RELN: variants seen among roughly 807,000 people sequenced by gnomAD.
The protein encoded by RELN is reelin.
RELN carries 108 observed loss-of-function variants against 427.6 expected under a neutral mutation model. The ratio of observed to expected loss-of-function variants is 0.25; its 90% CI spans 0.22 to 0.30. The LOEUF is 0.30. Ranked by LOEUF, RELN falls within the 10% of genes least tolerant of loss-of-function variation. RELN has a pLI of 1.00. For missense variants in RELN, 3,715 were observed against 4,302.8 expected, an observed-to-expected ratio of 0.86 and a Z score of 3.82; for synonymous variants, 1,524 against 1,513.4, an observed-to-expected ratio of 1.01 and a Z score of -0.16.
intron 20 of RELN, among the ~76,000 whole-genome samples, chr7:103,612,869 A>G (rs1019045197): frequency 6.6e-6 from 1 of 152,202 alleles, no homozygotes; most frequent in African/African-American, 2.4e-5. Context: ...TTTATCATAG[A>G]AGATTAAAAT....
chr7:103,514,532 G>A (rs574838454), intron 50 of RELN, among the ~76,000 whole-genome samples: 1 of 152,246 alleles, frequency 6.6e-6, no homozygotes, highest in Non-Finnish European at 1.5e-5. Context: ...GGTGTCACAT[G>A]CTTGTAATCC....
chr7:103,527,544 T>A (rs767614508), intron 46 of RELN, among the ~76,000 whole-genome samples: 52 of 152,240 alleles, frequency 3.4e-4, no homozygotes, highest in Non-Finnish European at 1.0e-4. Flanking sequence ...GAACAGTTGT[T>A]AAGCTATGGG....
chr7:103,983,745 C>G (rs2116847918), intron 1 of RELN, among the ~76,000 whole-genome samples: 1 of 152,308 alleles, frequency 6.6e-6, no homozygotes, highest in Non-Finnish European at 1.5e-5. Flanking sequence ...TAAACCACCT[C>G]TCTCTGTCCA....
At chr7:103,595,910 A>G (rs991401654) in intron 25 of RELN, among the ~76,000 whole-genome samples, 4 of 152,184 alleles carry the variant, frequency 2.6e-5, no homozygotes, top group Non-Finnish European at 5.9e-5. Flanking sequence ...AAACTCTTCA[A>G]CAGTCATTGC....
At chr7:103,766,260 C>T (rs980590673) in intron 4 of RELN, among the ~76,000 whole-genome samples, 1 of 152,132 alleles carries the variant, frequency 6.6e-6, no homozygotes, top group Non-Finnish European at 1.5e-5. Context: ...ATATAAGTTA[C>T]AAAATAGCCA....
chr7:103,641,884 A>T (rs1443685215), intron 16 of RELN, among the ~76,000 whole-genome samples: 1 of 152,142 alleles, frequency 6.6e-6, no homozygotes, highest in Non-Finnish European at 1.5e-5. Flanking sequence ...GGCTGAAGGA[A>T]GATATGCTCT....
chr7:103,839,422 T>A (rs1334150792), intron 2 of RELN, among the ~76,000 whole-genome samples: 1 of 151,518 alleles, frequency 6.6e-6, no homozygotes, highest in African/African-American at 2.4e-5. Context: ...TAGAAATCCA[T>A]TGATCTAAAA....
At chr7:103,500,050 ACT>A (rs542749419) in intron 53 of RELN, among the ~76,000 whole-genome samples, 1 of 152,114 alleles carries the variant, frequency 6.6e-6, no homozygotes, top group Admixed American at 6.5e-5. Context: ...TACATTGTTG[ACT>A]CTCATATGTT....
intron 11 of RELN, among the ~76,000 whole-genome samples, chr7:103,681,030 A>G (rs1167568001): frequency 6.6e-6 from 1 of 152,112 alleles, no homozygotes; most frequent in Non-Finnish European, 1.5e-5. Context: ...TTTGACACTG[A>G]AAGACCCCAT....
chr7:103,708,809 T>A (rs752047099), intron 8 of RELN, among the ~76,000 whole-genome samples: 1 of 152,146 alleles, frequency 6.6e-6, no homozygotes, highest in Non-Finnish European at 1.5e-5. Flanking sequence ...GGCCTCTGTT[T>A]AATGGTCACG....
At chr7:103,558,510 G>A (rs544116284) in intron 36 of RELN, among the ~76,000 whole-genome samples, 19 of 152,270 alleles carry the variant, frequency 1.2e-4, no homozygotes, top group African/African-American at 4.3e-4. Flanking sequence ...CACTCTGACA[G>A]CCCCAGGGGC....
At chr7:103,870,140 C>G (rs1458635847) in intron 2 of RELN, among the ~76,000 whole-genome samples, 1 of 151,986 alleles carries the variant, frequency 6.6e-6, no homozygotes, top group East Asian at 1.9e-4. Flanking sequence ...AAACTCAGAC[C>G]ATGCTTTTTT....
At chr7:103,687,251 T>C (rs1833782970) in intron 10 of RELN, among the ~76,000 whole-genome samples, 1 of 152,162 alleles carries the variant, frequency 6.6e-6, no homozygotes, top group South Asian at 2.1e-4. Context: ...TAACCTTGTC[T>C]TTGGGGATCA....
intron 51 of RELN, among the ~76,000 whole-genome samples, chr7:103,507,450 T>A (rs570166121): frequency 6.6e-6 from 1 of 152,128 alleles, no homozygotes; most frequent in African/African-American, 2.4e-5. Context: ...CATAACGAAA[T>A]GAAGGCAGAA....
At chr7:103,879,234 C>G (rs1238091793) in intron 2 of RELN, among the ~76,000 whole-genome samples, 2 of 152,140 alleles carry the variant, frequency 1.3e-5, no homozygotes, top group African/African-American at 4.8e-5. Context: ...GATTATATCT[C>G]TTTCAAAGTA....
chr7:103,630,485 T>C (rs1482930749), intron 19 of RELN, among the ~76,000 whole-genome samples: 2 of 152,208 alleles, frequency 1.3e-5, no homozygotes, highest in African/African-American at 4.8e-5. Flanking sequence ...TATTACAGTT[T>C]TGGCTGTTTG....
intron 6 of RELN, among the ~76,000 whole-genome samples, chr7:103,738,272 T>C (rs1790544270): frequency 6.6e-6 from 1 of 151,886 alleles, no homozygotes; most frequent in Admixed American, 6.6e-5. Context: ...GACTTTGTAA[T>C]TGCTTAAAGG....
chr7:103,801,621 C>A (rs990713398), intron 3 of RELN, among the ~76,000 whole-genome samples: 1 of 151,930 alleles, frequency 6.6e-6, no homozygotes, highest in African/African-American at 2.4e-5. Flanking sequence ...GGGAGAAATA[C>A]CTAATGTAAA....
Position 103,503,240 on chromosome 7 carries a change from A to G in RELN, c.8275-10T>C. 1 of 1,610,794 alleles carries G rather than the reference A, an allele frequency of 6.2e-7. No individual in the cohort carries two copies. The highest frequency in any genetic ancestry group is 8.5e-7 in the Non-Finnish European group (1 of 1,177,050). The stretch of plus-strand genomic sequence containing the variant: ...TACATCCAACTGAGATCTAATAAAC[A>G]GAAAAACAAGATCAAGGTATTAAAA... On this transcript the variant is annotated splice_polypyrimidine_tract_variant and intron_variant, in intron 51 of 64. Coordinates refer to ENST00000428762, the MANE Select transcript of RELN (RefSeq NM_005045.4).
Sources: gnomAD v4.1 joint callset for allele counts (sites outside exome capture counted in the v4.1 genomes callset) on GRCh38, gnomAD v4.1.1 for gene constraint, MANE v1.5 for transcripts, NCBI Gene and HGNC (gene_info 2026-07-23, HGNC 2026-07-21) for gene names.